The following PTPRD variants were observed in gnomAD, a reference collection of about 807,000 sequenced individuals.
PTPRD encodes protein tyrosine phosphatase receptor type D.
In PTPRD, 34 loss-of-function variants were observed where a neutral mutation model predicts 214.5. That is an observed-to-expected ratio of 0.16 (90% CI 0.12 to 0.21). PTPRD has a LOEUF of 0.21. Among genes scored for constraint, PTPRD ranks in the 10% least tolerant of loss-of-function variants. PTPRD has a pLI of 1.00. For synonymous variants in PTPRD, 1,128 were observed against 845.7 expected, an observed-to-expected ratio of 1.33 and a Z score of -5.79; for missense variants, 2,545 against 2,398.7, an observed-to-expected ratio of 1.06 and a Z score of -1.27.
chr9:10,480,094 C>A (rs1018902607), intron 2 of PTPRD, among the ~76,000 whole-genome samples: 1 of 149,060 alleles, frequency 6.7e-6, no homozygotes, highest in Non-Finnish European at 1.5e-5. Context: ...GTTTTATGAC[C>A]TATTTTGCTG....
At chr9:8,507,178 G>T in intron 22 of PTPRD, 123 bp downstream of exon 22, 2 of 1,132,638 alleles carry the variant, frequency 1.8e-6, no homozygotes, top group Non-Finnish European at 2.4e-6. Flanking sequence ...CTTTTAATTA[G>T]TAAATCTTTT....
chr9:9,014,277 T>C (rs558421086), intron 11 of PTPRD, among the ~76,000 whole-genome samples: 1 of 151,860 alleles, frequency 6.6e-6, no homozygotes, highest in Non-Finnish European at 1.5e-5. Context: ...TTCTCCACGA[T>C]CTTTCATTCT....
intron 3 of PTPRD, among the ~76,000 whole-genome samples, chr9:10,268,761 C>A: frequency 6.6e-6 from 1 of 152,298 alleles, no homozygotes; most frequent in Non-Finnish European, 1.5e-5. Context: ...ACTCTCTCAA[C>A]GGCTACCGTC....
intron 3 of PTPRD, among the ~76,000 whole-genome samples, chr9:10,122,059 G>C (rs1400368008): frequency 6.6e-6 from 1 of 152,182 alleles, no homozygotes; most frequent in African/African-American, 2.4e-5. Context: ...TGTAATCCCA[G>C]CATTGTGGGA....
At chr9:8,750,597 GT>G (rs1598690264) in intron 11 of PTPRD, among the ~76,000 whole-genome samples, 1 of 152,198 alleles carries the variant, frequency 6.6e-6, no homozygotes, top group Non-Finnish European at 1.5e-5. Flanking sequence ...CTAGAGAAGG[GT>G]GGGGCATGTA....
chr9:8,329,310 C>A (rs1837255223), intron 44 of PTPRD, among the ~76,000 whole-genome samples: 1 of 152,132 alleles, frequency 6.6e-6, no homozygotes, highest in Admixed American at 6.6e-5. Flanking sequence ...GAGGTCTATT[C>A]CAGACGCTGT....
chr9:8,542,445 G>A (rs2078719846), intron 14 of PTPRD, among the ~76,000 whole-genome samples: 1 of 152,190 alleles, frequency 6.6e-6, no homozygotes, highest in African/African-American at 2.4e-5. Flanking sequence ...TAATTTGAAT[G>A]TCAATTTTAC....
intron 7 of PTPRD, among the ~76,000 whole-genome samples, chr9:9,610,987 T>C (rs377621731): frequency 1.3e-5 from 2 of 152,196 alleles, no homozygotes; most frequent in East Asian, 1.9e-4. Flanking sequence ...ACTCAACACA[T>C]TGATTGAATA....
At position 8,314,913 on chromosome 9, in the gene PTPRD, C is replaced by T. The variant is rs925745311; in HGVS notation, c.*2961G>A. ...GGCCCTTCCCTCCCCTGGCTGTCCT[C>T]GCCGTTTTCTAACCATGCAAATCAT... On this transcript the variant is annotated 3_prime_UTR_variant, in exon 46 of 46. Coordinates refer to ENST00000381196, the MANE Select transcript of PTPRD (RefSeq NM_002839.4). The T allele has an allele frequency of 2.2e-5, 5 of 232,340 alleles. No homozygotes were observed. The highest frequency in any genetic ancestry group is 1.8e-4 in the East Asian group (3 of 16,530). The allele number at this position is 232,340 out of a possible 1,614,324, so 14.4% of individuals were successfully genotyped here.
chr9:8,788,581 A>T (rs886864421), intron 11 of PTPRD, among the ~76,000 whole-genome samples: 3 of 152,138 alleles, frequency 2.0e-5, no homozygotes, highest in Admixed American at 6.5e-5. Context: ...GGCCAAGATG[A>T]TATTTTTTAA....
chr9:10,105,507 T>C (rs1191864126), intron 3 of PTPRD, among the ~76,000 whole-genome samples: 2 of 151,868 alleles, frequency 1.3e-5, no homozygotes, highest in Non-Finnish European at 1.5e-5. Flanking sequence ...ACCTCTACTT[T>C]CTACGAATTT....
At chr9:8,847,851 AG>A (rs1407117251) in intron 11 of PTPRD, among the ~76,000 whole-genome samples, 5 of 152,192 alleles carry the variant, frequency 3.3e-5, no homozygotes, top group African/African-American at 1.2e-4. Flanking sequence ...AATTAACAAA[AG>A]TTTCTCAGAT....
At chr9:9,397,942 T>C (rs567773145) in intron 8 of PTPRD, among the ~76,000 whole-genome samples, 21 of 152,096 alleles carry the variant, frequency 1.4e-4, no homozygotes, top group African/African-American at 4.3e-4. Context: ...GTGTTTAGCA[T>C]AGCATTCAGG....
intron 2 of PTPRD, among the ~76,000 whole-genome samples, chr9:10,429,142 T>C (rs1033244330): frequency 1.3e-5 from 2 of 151,994 alleles, no homozygotes; most frequent in Non-Finnish European, 2.9e-5. Context: ...GTATAAAATT[T>C]GTATCAATAA....
intron 2 of PTPRD, among the ~76,000 whole-genome samples, chr9:10,578,205 C>A (rs1234071979): frequency 6.6e-6 from 1 of 152,014 alleles, no homozygotes. Context: ...CCACCACACC[C>A]AGCCCATTAC....
chr9:8,607,669 T>C (rs1488586163), intron 14 of PTPRD, among the ~76,000 whole-genome samples: 1 of 151,978 alleles, frequency 6.6e-6, no homozygotes, highest in Non-Finnish European at 1.5e-5. Context: ...AATAAATTAA[T>C]TAATTAAAAA....
At chr9:9,703,906 A>C (rs907469093) in intron 7 of PTPRD, among the ~76,000 whole-genome samples, 1 of 152,126 alleles carries the variant, frequency 6.6e-6, no homozygotes, top group African/African-American at 2.4e-5. Flanking sequence ...TTTCTTTGAG[A>C]TAGGGTCTCA....
intron 5 of PTPRD, among the ~76,000 whole-genome samples, chr9:9,916,915 T>G (rs1037983705): frequency 4.6e-5 from 7 of 151,772 alleles, no homozygotes; most frequent in Admixed American, 3.3e-4. Flanking sequence ...AGAGGAACAT[T>G]TGAAATAATA....
chr9:8,450,096 T>C (rs954539781), intron 33 of PTPRD, among the ~76,000 whole-genome samples: 1 of 152,172 alleles, frequency 6.6e-6, no homozygotes, highest in African/African-American at 2.4e-5. Flanking sequence ...CAACTCTGCC[T>C]TTTGGTTTCA....
Sources: allele counts gnomAD v4.1 joint callset (sites outside exome capture counted in the v4.1 genomes callset), GRCh38; gene constraint gnomAD v4.1.1; transcripts MANE v1.5; gene names NCBI Gene and HGNC (gene_info 2026-07-23, HGNC 2026-07-21).